Variants in COL22A1 observed in about 807,000 individuals in gnomAD.
COL22A1 encodes the protein collagen type XXII alpha 1 chain.
A neutral mutation model predicts 248.9 loss-of-function variants in COL22A1; 221 were observed. That is an observed-to-expected ratio of 0.89 (90% CI 0.80 to 0.99). The LOEUF (loss-of-function observed/expected upper bound fraction) is 0.99. Ranked by LOEUF, COL22A1 falls within the 50% of genes least tolerant of loss-of-function variation. COL22A1 has a pLI of 0.00. For missense variants in COL22A1, 2,240 were observed against 2,179.0 expected (o/e 1.03, Z -0.56); for synonymous variants, 891 against 793.4 (o/e 1.12, Z -2.07).
Position 138,617,035 on chromosome 8 carries a change from C to T in COL22A1, c.3826-77G>A, listed in dbSNP as rs1002628417. ...GAAGTGGGCAGGCATACCTCCCTGC[C>T]GGCTTTGACCCACGTTGCCCCCGCT... On this transcript the variant is annotated intron_variant, in intron 53 of 64. Transcript: ENST00000303045. The T allele has an allele frequency of 1.1e-4, 159 of 1,501,278 alleles. 1 individual carries two copies. In the Admixed American group the frequency reaches 2.2e-3, roughly 21 times the overall value. 93.0% of individuals were successfully genotyped at this position (1,501,278 alleles called of 1,614,324 possible). A position where few individuals can be genotyped will look rare whatever the true frequency, so the allele number is the denominator to read the frequency against.
chr8:138,673,072 C>T (rs1449972333), intron 41 of COL22A1, among the ~76,000 whole-genome samples: 1 of 152,212 alleles, frequency 6.6e-6, no homozygotes, highest in African/African-American at 2.4e-5. Flanking sequence ...CATCCCCCTG[C>T]CTGGTGACAG....
At chr8:138,614,199 T>C (rs936932860) in intron 55 of COL22A1, among the ~76,000 whole-genome samples, 2 of 152,186 alleles carry the variant, frequency 1.3e-5, no homozygotes, top group East Asian at 1.9e-4. Flanking sequence ...TGGCTCCATC[T>C]TGAAATAAGA....
intron 1 of COL22A1, among the ~76,000 whole-genome samples, chr8:138,886,356 GC>G (rs1381306942): frequency 6.6e-6 from 1 of 152,054 alleles, no homozygotes; most frequent in Non-Finnish European, 1.5e-5. Flanking sequence ...CCGGCACAAA[GC>G]CCAGCACAGA....
intron 2 of COL22A1, among the ~76,000 whole-genome samples, chr8:138,881,081 G>A (rs533483947): frequency 4.4e-4 from 67 of 152,316 alleles, no homozygotes; most frequent in South Asian, 1.9e-3. Flanking sequence ...CTCCTGGCAG[G>A]TGAGTGCTCT....
At chr8:138,865,875 CTGTGTA>C (rs1323692882) in intron 3 of COL22A1, among the ~76,000 whole-genome samples, 1 of 144,312 alleles carries the variant, frequency 6.9e-6, no homozygotes, top group South Asian at 2.2e-4. Flanking sequence ...GTTTGTATGC[CTGTGTA>C]TGTGTATGTG....
At chr8:138,802,782 C>T in intron 11 of COL22A1, 90 bp downstream of exon 11, 1 of 1,000,884 alleles carries the variant, frequency 1.0e-6, no homozygotes, top group Non-Finnish European at 1.6e-6. Flanking sequence ...GTATTCAGCC[C>T]ACACTTGCTG....
intron 45 of COL22A1, among the ~76,000 whole-genome samples, chr8:138,652,799 T>C (rs1587771075): frequency 7.8e-6 from 1 of 128,410 alleles, no homozygotes; most frequent in East Asian, 2.8e-4. Context: ...CAGCTTGGAG[T>C]GCAGTGGTGT....
In COL22A1 at chr8:138,837,200, C is replaced by T. The variant is rs374657787; in HGVS notation, c.734-4050G>A. Among the ~76,000 whole-genome samples, 47 of 152,276 alleles carry T rather than the reference C, an allele frequency of 3.1e-4. No homozygotes were observed. In the East Asian group the frequency reaches 3.5e-3, roughly 11 times the overall value. The stretch of plus-strand genomic sequence containing the variant: ...TGGGAACCTGTTGACCCAAGTGAAG[C>T]TTGGTCCCCTGGCAATAGCTCTGCC... On this transcript the variant is annotated intron_variant, in intron 4 of 64. Coordinates refer to ENST00000303045, the MANE Select transcript of COL22A1 (RefSeq NM_152888.3).
At chr8:138,663,016 T>TCACACA (rs6150848) in intron 42 of COL22A1, among the ~76,000 whole-genome samples, 1 of 148,636 alleles carries the variant, frequency 6.7e-6, no homozygotes, top group African/African-American at 2.5e-5. Context: ...ACTCTGTCAC[T>TCACACA]CACACACACA....
chr8:138,754,440 G>C (rs933872598), intron 21 of COL22A1, among the ~76,000 whole-genome samples: 3 of 152,190 alleles, frequency 2.0e-5, no homozygotes, highest in South Asian at 2.1e-4. Flanking sequence ...CTCATAAAGA[G>C]TGGGCCTCAA....
chr8:138,881,792 G>A (rs1351652631), intron 2 of COL22A1, among the ~76,000 whole-genome samples: 1 of 152,206 alleles, frequency 6.6e-6, no homozygotes, highest in Non-Finnish European at 1.5e-5. Flanking sequence ...GCAGTATATG[G>A]ACATCCCACC....
chr8:138,717,471 T>C (rs2131106259), intron 27 of COL22A1, among the ~76,000 whole-genome samples: 1 of 152,200 alleles, frequency 6.6e-6, no homozygotes, highest in East Asian at 1.9e-4. Context: ...TATTTTTAGT[T>C]TTAGTTTTTT....
intron 16 of COL22A1, among the ~76,000 whole-genome samples, chr8:138,767,542 G>A (rs902255673): frequency 3.3e-5 from 5 of 152,190 alleles, no homozygotes; most frequent in African/African-American, 7.2e-5. Context: ...TCTCATATCC[G>A]GAATCAATAG....
At position 138,630,706 on chromosome 8, in the gene COL22A1, G is replaced by A; in HGVS notation, c.3652C>T (p.Gln1218Ter). 6.2e-7 allele frequency: 1 copy of A among 1,613,774 alleles called. No individual in the cohort carries two copies. The highest frequency in any genetic ancestry group is 1.3e-5 in the African/African-American group (1 of 74,998). Reference sequence around the variant, plus strand: ...CTTGAGGAACTTACAGGTGACCCTTGGATTCCTGGTGGTCCAGCAGCTCCT... The same window carrying A: ...CTTGAGGAACTTACAGGTGACCCTTAGATTCCTGGTGGTCCAGCAGCTCCT... ...IAGAAGPPGI[Q>*]GSPGKEGPPG... Residue 1218 changes from glutamine to a stop codon, truncating the protein, a stop_gained, in exon 50 of 65, where the codon CAA becomes TAA. Transcript: ENST00000303045. LOFTEE classifies it high-confidence loss of function.
chr8:138,606,430 TC>T lies in COL22A1; in HGVS notation c.4054del (p.Glu1352LysfsTer76). The T allele has an allele frequency of 1.2e-6, 2 of 1,613,734 alleles. No homozygotes were observed. Among genetic ancestry groups the T allele is most frequent in the Non-Finnish European group, 1.7e-6 (2 of 1,179,928 alleles). On this transcript the variant is annotated frameshift_variant, in exon 58 of 65. Coordinates refer to ENST00000303045, the MANE Select transcript of COL22A1 (RefSeq NM_152888.3). LOFTEE classifies it high-confidence loss of function. ...GCCAGGAAGTCCTGGGCTGCCATTT[TC>T]CCCTTTGCTTCCTTTCTGGCCCTGC... ...GTPGQKGSKG[E>X]NGSPGLPGFL...
At chr8:138,829,971 C>T (rs532630782) in intron 5 of COL22A1, among the ~76,000 whole-genome samples, 35 of 152,068 alleles carry the variant, frequency 2.3e-4, no homozygotes, top group Non-Finnish European at 3.5e-4. Flanking sequence ...TATACCTACA[C>T]GTGTGTTTAT....
chr8:138,833,126 C>A lies in COL22A1; in HGVS notation c.758G>T (p.Ser253Ile). 6.2e-7 allele frequency: 1 copy of A among 1,613,464 alleles called. No individual in the cohort carries two copies. The highest frequency in any genetic ancestry group is 8.5e-7 in the Non-Finnish European group (1 of 1,179,348). Residue 253 changes from serine (S) to isoleucine (I), a missense_variant, in exon 5 of 65, where the codon AGT (serine) becomes ATT (isoleucine). Coordinates refer to ENST00000303045, the MANE Select transcript of COL22A1 (RefSeq NM_152888.3). ...ITGFDLMDLF[S>I]VKEILGKREN... ...TCTCTTCCCCAAGATTTCCTTCACA[C>A]TGAACAAATCCATCAGGTCAAAACC...
At chr8:138,671,464 C>A (rs1282670503) in intron 41 of COL22A1, among the ~76,000 whole-genome samples, 1 of 152,212 alleles carries the variant, frequency 6.6e-6, no homozygotes, top group Admixed American at 6.5e-5. Context: ...TTGTGGTGAG[C>A]TCAAGTGTTG....
At chr8:138,871,416 G>C (rs1394003122) in intron 3 of COL22A1, among the ~76,000 whole-genome samples, 1 of 152,196 alleles carries the variant, frequency 6.6e-6, no homozygotes, top group Non-Finnish European at 1.5e-5. Flanking sequence ...CTGGAACTCA[G>C]CCTATCAATC....
Sources: gnomAD v4.1 joint callset for allele counts (sites outside exome capture counted in the v4.1 genomes callset) on GRCh38, gnomAD v4.1.1 for gene constraint, MANE v1.5 for transcripts, NCBI Gene and HGNC (gene_info 2026-07-23, HGNC 2026-07-21) for gene names.